IFT140: variants seen among roughly 807,000 people sequenced by gnomAD.
IFT140 encodes the protein intraflagellar transport protein 140 homolog.
Under a neutral mutation model 164.6 loss-of-function variants are expected in IFT140, and 133 were observed. The ratio of observed to expected loss-of-function variants is 0.81; its 90% CI spans 0.70 to 0.93. The LOEUF is 0.93. IFT140 is among the 40% of genes least tolerant of loss of function. IFT140 has a pLI of 0.00. For missense variants in IFT140, 2,045 were observed against 1,972.3 expected (o/e 1.04, Z -0.70); for synonymous variants, 860 against 817.3 (o/e 1.05, Z -0.89).
At position 1,520,745 on chromosome 16, in the gene IFT140, T is replaced by C. The variant is rs1427436267; in HGVS notation, c.3517A>G (p.Lys1173Glu). Reference sequence around the variant, plus strand: ...GAGGAGTCCTTGGCCACGGTCATCTTTTCCGCCATCTCCTCGGTGATGCTC... The same window carrying C: ...GAGGAGTCCTTGGCCACGGTCATCTCTTCCGCCATCTCCTCGGTGATGCTC... ...NMSITEEMAEKMTVAKDSSDL... is the reference protein window; with the variant it reads ...NMSITEEMAEEMTVAKDSSDL... The change falls in exon 27 of 31, where the codon AAG becomes GAG. Residue 1173 changes from lysine to glutamate, a missense_variant. Coordinates refer to ENST00000426508, the MANE Select transcript of IFT140 (RefSeq NM_014714.4). The C allele has an allele frequency of 6.2e-7, 1 of 1,610,714 alleles. No individual in the cohort carries two copies. The highest frequency in any genetic ancestry group is 1.7e-5 in the Admixed American group (1 of 60,018).
At position 1,584,557 on chromosome 16, in the gene IFT140, CT is replaced by C. The variant is rs2034766834; in HGVS notation, c.1156-138del. On this transcript the variant is annotated intron_variant, in intron 10 of 30. Transcript: ENST00000426508. ...CATTGTTCCGGACTTAAAAAATGAT[CT>C]TATAAGACATTATAAGAAAAGTCTT... 4 of 690,960 alleles carry C rather than the reference CT, an allele frequency of 5.8e-6. No homozygotes were observed. The South Asian group carries it at 7.5e-5, about 13-fold the overall frequency. The allele number at this position is 690,960 out of a possible 1,614,324, so 42.8% of individuals were successfully genotyped here.
At chr16:1,591,127 G>C (rs571581781) in intron 6 of IFT140, among the ~76,000 whole-genome samples, 1 of 152,128 alleles carries the variant, frequency 6.6e-6, no homozygotes, top group Non-Finnish European at 1.5e-5. Context: ...TACAGCTCCC[G>C]GACAACCGGC....
intron 19 of IFT140, among the ~76,000 whole-genome samples, chr16:1,539,030 A>G (rs1210425877): frequency 6.6e-6 from 1 of 150,674 alleles, no homozygotes; most frequent in African/African-American, 2.5e-5. Flanking sequence ...AGGCCTCAGC[A>G]AGCTGCACAG....
Position 1,553,133 on chromosome 16 carries a change from G to C in IFT140, c.2399+4802C>G. ...GGTACAGTGATGATGAAAAGATAAT[G>C]CTTGGGTTTTTAGGAAAAACAAGGC... On this transcript the variant is annotated intron_variant, in intron 19 of 30. Transcript: ENST00000426508. The surrounding 1 kb of genome is among the most constrained non-coding windows in gnomAD (Gnocchi z 4.4). The C allele has an allele frequency of 2.0e-6, 2 of 985,366 alleles. No individual in the cohort carries two copies. Among genetic ancestry groups the C allele is most frequent in the Middle Eastern group, 5.2e-4 (1 of 1,914 alleles). 61.0% of individuals were successfully genotyped at this position (985,366 alleles called of 1,614,324 possible). A position where few individuals can be genotyped will look rare whatever the true frequency, so the allele number is the denominator to read the frequency against.
At chr16:1,595,279 C>T (rs546180870) in intron 4 of IFT140, among the ~76,000 whole-genome samples, 2 of 151,238 alleles carry the variant, frequency 1.3e-5, no homozygotes, top group South Asian at 2.1e-4. Flanking sequence ...AGTGAGACTT[C>T]GTCTCAAATA....
chr16:1,523,894 G>C lies in IFT140; in HGVS notation c.3204C>G (p.Ile1068Met). 6.2e-7 allele frequency: 1 copy of C among 1,613,520 alleles called. No homozygotes were observed. The highest frequency in any genetic ancestry group is 8.5e-7 in the Non-Finnish European group (1 of 1,180,026). ...TCTCCTCGTAGTATCGGGCCGCCTC[G>C]ATCATGTCCTCGGGGGAGCTCAGCA... ...LALLSSPEDM[I>M]EAARYYEEKG... Residue 1068 changes from isoleucine to methionine, a missense_variant, in exon 25 of 31, where the codon ATC (isoleucine) becomes ATG (methionine). Transcript: ENST00000426508.
chr16:1,595,183 G>A (rs982867427), intron 4 of IFT140, among the ~76,000 whole-genome samples: 2 of 152,232 alleles, frequency 1.3e-5, no homozygotes, highest in Admixed American at 1.3e-4. Context: ...TACTCGGGAG[G>A]CTGAGGCAGG....
intron 24 of IFT140, chr16:1,524,308 C>T: frequency 1.6e-6 from 1 of 631,010 alleles, no homozygotes; most frequent in Admixed American, 3.1e-5. Flanking sequence ...TCACCACCCA[C>T]TCAGGAGCCC....
chr16:1,514,487 C>T (rs2141115532), intron 30 of IFT140: 1 of 152,326 alleles, frequency 6.6e-6, no homozygotes, highest in Non-Finnish European at 1.5e-5. Flanking sequence ...TGAGCATATG[C>T]TGCCCTCGTC....
chr16:1,540,676 G>T (rs925909047), intron 19 of IFT140: 3 of 248,044 alleles, frequency 1.2e-5, no homozygotes, highest in Non-Finnish European at 1.3e-5. Flanking sequence ...CGGGCGCGGG[G>T]ACCCGCTCCT....
At chr16:1,513,820 C>G (rs1264029738) in intron 30 of IFT140, among the ~76,000 whole-genome samples, 1 of 149,290 alleles carries the variant, frequency 6.7e-6, no homozygotes, top group Admixed American at 6.6e-5. Flanking sequence ...ACTACAGGCG[C>G]CCACCACCAC....
intron 19 of IFT140, chr16:1,542,089 G>T (rs1378872204): frequency 6.3e-7 from 1 of 1,589,370 alleles, no homozygotes; most frequent in Non-Finnish European, 8.6e-7. Flanking sequence ...AAGTACCTGG[G>T]CGGGTGTGGC....
chr16:1,562,146 T>C (rs1331266674), intron 17 of IFT140, 30 bp from the exon 18 acceptor site: 9 of 1,503,784 alleles, frequency 6.0e-6, no homozygotes, highest in Non-Finnish European at 7.1e-6. Flanking sequence ...ACTGTTCTGT[T>C]TTTTTTTTTA....
rs78400651 is a variant in IFT140, at chr16:1,564,754, C to T, written c.1902-592G>A. The stretch of plus-strand genomic sequence containing the variant: ...GGAGGCCTATGAGCCTCATTCGCCG[C>T]CCCCAGGGTGTCACGAACCCAGGCT... On this transcript the variant is annotated intron_variant, in intron 16 of 30. Transcript: ENST00000426508. This position sits in a 1 kb window ranked among gnomAD's most constrained non-coding sequence, Gnocchi z 5.5. Among the ~76,000 whole-genome samples, 1 of 152,194 alleles carries T rather than the reference C, an allele frequency of 6.6e-6. No individual in the cohort carries two copies. Among genetic ancestry groups the T allele is most frequent in the Non-Finnish European group, 1.5e-5 (1 of 68,030 alleles).
chr16:1,547,715 T>C (rs1159236186), intron 19 of IFT140, among the ~76,000 whole-genome samples: 2 of 152,180 alleles, frequency 1.3e-5, no homozygotes, highest in Non-Finnish European at 2.9e-5. Flanking sequence ...TTTGTATTTT[T>C]GGTAGAGATG....
intron 3 of IFT140, among the ~76,000 whole-genome samples, chr16:1,604,093 C>T (rs928014071): frequency 6.6e-6 from 1 of 152,168 alleles, no homozygotes; most frequent in Non-Finnish European, 1.5e-5. Context: ...ATCCCATTTA[C>T]CATATATGTT....
chr16:1,526,511 A>C (rs1160301688), intron 20 of IFT140, 108 bp downstream of exon 20: 3 of 1,169,316 alleles, frequency 2.6e-6, no homozygotes, highest in Non-Finnish European at 3.5e-6. Flanking sequence ...GGCTCTGCCC[A>C]CATCAGTGCA....
At chr16:1,591,126 C>T (rs767171665) in intron 6 of IFT140, among the ~76,000 whole-genome samples, 6 of 152,202 alleles carry the variant, frequency 3.9e-5, no homozygotes, top group Non-Finnish European at 5.9e-5. Context: ...CTACAGCTCC[C>T]GGACAACCGG....
chr16:1,513,768 G>T (rs1436211193), intron 30 of IFT140, among the ~76,000 whole-genome samples: 1 of 150,518 alleles, frequency 6.6e-6, no homozygotes, highest in Non-Finnish European at 1.5e-5. Context: ...CCGCCTCCCG[G>T]GTTCACACCA....
Sources: allele counts gnomAD v4.1 joint callset (sites outside exome capture counted in the v4.1 genomes callset), GRCh38; gene constraint gnomAD v4.1.1; non-coding constraint Gnocchi (gnomAD v3.1); transcripts MANE v1.5; gene names NCBI Gene and HGNC (gene_info 2026-07-23, HGNC 2026-07-21).